TEAD1: variants seen among roughly 807,000 people sequenced by gnomAD.
TEAD1 encodes transcriptional enhancer factor TEF-1.
Under a neutral mutation model 54.9 loss-of-function variants are expected in TEAD1, and 9 were observed. The ratio of observed to expected loss-of-function variants is 0.16; its 90% CI spans 0.10 to 0.29. The LOEUF (loss-of-function observed/expected upper bound fraction) is 0.29. TEAD1 is among the 10% of genes least tolerant of loss of function. TEAD1 has a pLI of 1.00. For missense variants in TEAD1, 387 were observed against 535.9 expected (o/e 0.72, Z 2.74); for synonymous variants, 200 against 187.8 (o/e 1.07, Z -0.53).
intron 2 of TEAD1, among the ~76,000 whole-genome samples, chr11:12,705,376 T>G (rs1051539559): frequency 6.6e-6 from 1 of 152,128 alleles, no homozygotes; most frequent in African/African-American, 2.4e-5. Context: ...TCGGTGTCAT[T>G]GTAGAGTGAT....
At chr11:12,894,410 A>T (rs923717197) in intron 9 of TEAD1, among the ~76,000 whole-genome samples, 4 of 152,044 alleles carry the variant, frequency 2.6e-5, no homozygotes, top group Admixed American at 6.6e-5. Context: ...TACATCTAGA[A>T]TGTATTGTCA....
At position 12,829,907 on chromosome 11, in the gene TEAD1, G is replaced by A. The variant is rs559622350; in HGVS notation, c.203-32343G>A. The stretch of plus-strand genomic sequence containing the variant: ...CCCAGCACAAGACATTTACATGTAT[G>A]GGTTGGGTAGGGTAGGAGTTCATAG... On this transcript the variant is annotated intron_variant, in intron 3 of 12. Transcript: ENST00000527636. 7.9e-5 allele frequency among the ~76,000 whole-genome samples: 12 copies of A among 152,318 alleles called. No homozygotes were observed. In the South Asian group the frequency reaches 1.2e-3, roughly 16 times the overall value.
chr11:12,830,704 T>C (rs1049333161), intron 3 of TEAD1, among the ~76,000 whole-genome samples: 9 of 152,152 alleles, frequency 5.9e-5, no homozygotes, highest in African/African-American at 2.2e-4. Flanking sequence ...ATACACTAAT[T>C]ATATATAAAT....
chr11:12,839,131 C>G lies in TEAD1; in HGVS notation c.203-23119C>G, dbSNP rs115950048. Among the ~76,000 whole-genome samples the G allele has an allele frequency of 9.7e-3, 1,474 of 151,938 alleles. 20 individuals are homozygous for G. Among genetic ancestry groups the G allele is most frequent in the African/African-American group, 0.034 (1,393 of 41,432 alleles). On this transcript the variant is annotated intron_variant, in intron 3 of 12. Transcript: ENST00000527636. Reference sequence around the variant, plus strand: ...ACTTATTAAAAAAAAAAACTGGGAGCCGGGCATGGTGGCTTACGCCTATAA... The same window carrying G: ...ACTTATTAAAAAAAAAAACTGGGAGGCGGGCATGGTGGCTTACGCCTATAA...
intron 3 of TEAD1, among the ~76,000 whole-genome samples, chr11:12,769,234 G>A (rs1035750456): frequency 1.3e-5 from 2 of 152,106 alleles, no homozygotes; most frequent in African/African-American, 2.4e-5. Context: ...GAAGATGAGG[G>A]GGAGGGTGTC....
intron 9 of TEAD1, among the ~76,000 whole-genome samples, chr11:12,889,334 T>A (rs1380284033): frequency 6.6e-6 from 1 of 151,946 alleles, no homozygotes; most frequent in African/African-American, 2.4e-5. Flanking sequence ...CAGGGAGTGG[T>A]TTTCCTGATA....
At chr11:12,770,174 T>C (rs1945286655) in intron 3 of TEAD1, among the ~76,000 whole-genome samples, 1 of 152,166 alleles carries the variant, frequency 6.6e-6, no homozygotes, top group East Asian at 1.9e-4. Flanking sequence ...TTGAAATAGT[T>C]TGGTTCCTGT....
intron 2 of TEAD1, among the ~76,000 whole-genome samples, chr11:12,758,405 G>GTC (rs1745076849): frequency 1.0e-4 from 9 of 85,742 alleles, no homozygotes; most frequent in African/African-American, 4.6e-4. Context: ...CGCCCAGCTA[G>GTC]TTTTTTTTTT....
chr11:12,796,468 G>T (rs1945926386), intron 3 of TEAD1, among the ~76,000 whole-genome samples: 1 of 152,190 alleles, frequency 6.6e-6, no homozygotes, highest in Non-Finnish European at 1.5e-5. Context: ...GCTTATGCTT[G>T]TAATCCCAGC....
chr11:12,759,503 A>T (rs1945058563), intron 2 of TEAD1, among the ~76,000 whole-genome samples: 1 of 152,096 alleles, frequency 6.6e-6, no homozygotes, highest in Admixed American at 6.6e-5. Context: ...GGAATAAAGG[A>T]TCTTTCAGAA....
chr11:12,874,731 A>G (rs1402391185), intron 5 of TEAD1, among the ~76,000 whole-genome samples: 1 of 152,156 alleles, frequency 6.6e-6, no homozygotes, highest in Admixed American at 6.5e-5. Context: ...CTTAGAACCC[A>G]TCCTCTTTCC....
chr11:12,796,201 G>A (rs1330757385), intron 3 of TEAD1, among the ~76,000 whole-genome samples: 1 of 152,144 alleles, frequency 6.6e-6, no homozygotes, highest in Non-Finnish European at 1.5e-5. Context: ...GATACTAAGT[G>A]TTGGGTAGCA....
chr11:12,831,478 A>T (rs1220306267), intron 3 of TEAD1, among the ~76,000 whole-genome samples: 2 of 152,198 alleles, frequency 1.3e-5, no homozygotes, highest in Non-Finnish European at 2.9e-5. Context: ...TTGTATAGTC[A>T]AGAAATTATT....
intron 5 of TEAD1, chr11:12,879,456 A>G: frequency 1.6e-6 from 1 of 622,126 alleles, no homozygotes; most frequent in East Asian, 2.7e-5. Flanking sequence ...GAGGCTTCAC[A>G]TTCTGTTGGA....
At chr11:12,929,747 T>C (rs932974151) in intron 11 of TEAD1, among the ~76,000 whole-genome samples, 6 of 152,100 alleles carry the variant, frequency 3.9e-5, no homozygotes, top group African/African-American at 1.4e-4. Flanking sequence ...AAATAATCAG[T>C]TTTTTCTAAA....
At chr11:12,869,295 G>A (rs1207278274) in intron 5 of TEAD1, among the ~76,000 whole-genome samples, 1 of 152,192 alleles carries the variant, frequency 6.6e-6, no homozygotes, top group East Asian at 1.9e-4. Flanking sequence ...GTGGGGAAGA[G>A]AGTCACAGGC....
At chr11:12,883,177 C>A (rs35211182) in intron 9 of TEAD1, 52 bp downstream of exon 9, 3 of 1,612,846 alleles carry the variant, frequency 1.9e-6, no homozygotes, top group Non-Finnish European at 2.5e-6. Context: ...TTTCCCTTTA[C>A]TGTTTACCTC....
chr11:12,745,210 C>A (rs757405625), intron 2 of TEAD1, among the ~76,000 whole-genome samples: 16 of 152,114 alleles, frequency 1.1e-4, no homozygotes, highest in Non-Finnish European at 1.9e-4. Flanking sequence ...TGGTAAAAAC[C>A]AGGATTATTA....
At chr11:12,678,623 A>G (rs1263545449) in intron 2 of TEAD1, among the ~76,000 whole-genome samples, 1 of 152,144 alleles carries the variant, frequency 6.6e-6, no homozygotes, top group African/African-American at 2.4e-5. Flanking sequence ...ACCTTGTTGT[A>G]TTGCAATTAC....
Sources: gnomAD v4.1 joint callset for allele counts (sites outside exome capture counted in the v4.1 genomes callset) on GRCh38, gnomAD v4.1.1 for gene constraint, MANE v1.5 for transcripts, NCBI Gene and HGNC (gene_info 2026-07-23, HGNC 2026-07-21) for gene names.